Variants in ITGBL1 observed in about 807,000 individuals in gnomAD.
The protein encoded by ITGBL1 is integrin subunit beta like 1, also known as integrin beta-like protein 1.
ITGBL1 carries 51 observed loss-of-function variants against 68.5 expected under a neutral mutation model. That is an observed-to-expected ratio of 0.74 (90% CI 0.59 to 0.94). The LOEUF (loss-of-function observed/expected upper bound fraction) is 0.94, where lower values mean the gene tolerates loss of function less well. ITGBL1 is among the 40% of genes least tolerant of loss of function. ITGBL1 has a pLI of 0.00. For missense variants in ITGBL1, 649 were observed against 647.4 expected, an observed-to-expected ratio of 1.00 and a Z score of -0.03; for synonymous variants, 209 against 227.3, an observed-to-expected ratio of 0.92 and a Z score of 0.72.
intron 6 of ITGBL1, among the ~76,000 whole-genome samples, chr13:101,590,179 T>C (rs535307124): frequency 3.3e-5 from 5 of 152,296 alleles, no homozygotes; most frequent in African/African-American, 1.2e-4. Flanking sequence ...TTGGATAGGA[T>C]TCCAACTTTA....
intron 2 of ITGBL1, among the ~76,000 whole-genome samples, chr13:101,497,203 T>G (rs2048869711): frequency 6.6e-6 from 1 of 152,244 alleles, no homozygotes; most frequent in Non-Finnish European, 1.5e-5. Flanking sequence ...ACAATCATAT[T>G]AATTATTATA....
chr13:101,681,434 G>A (rs2033638077), intron 7 of ITGBL1, among the ~76,000 whole-genome samples: 1 of 152,166 alleles, frequency 6.6e-6, no homozygotes, highest in Admixed American at 6.5e-5. Flanking sequence ...GTGCAAAAAT[G>A]TTACTGGTGG....
intron 7 of ITGBL1, among the ~76,000 whole-genome samples, chr13:101,638,623 C>G (rs2032255924): frequency 7.2e-5 from 11 of 152,022 alleles, no homozygotes; most frequent in Admixed American, 7.2e-4. Context: ...GAATGAGAAT[C>G]AAGCGAAAGG....
intron 2 of ITGBL1, among the ~76,000 whole-genome samples, chr13:101,514,819 T>C (rs1329635923): frequency 6.6e-6 from 1 of 152,084 alleles, no homozygotes; most frequent in Non-Finnish European, 1.5e-5. Flanking sequence ...CCAACTTAGA[T>C]GCCTTCCATT....
chr13:101,680,782 T>C (rs975590229), intron 7 of ITGBL1, among the ~76,000 whole-genome samples: 1 of 152,166 alleles, frequency 6.6e-6, no homozygotes, highest in African/African-American at 2.4e-5. Flanking sequence ...CCACAATAAA[T>C]GAGGTTTAAC....
At chr13:101,494,520 A>C (rs2048827505) in intron 2 of ITGBL1, among the ~76,000 whole-genome samples, 2 of 152,248 alleles carry the variant, frequency 1.3e-5, no homozygotes, top group Non-Finnish European at 1.5e-5. Flanking sequence ...TTTCTCACAT[A>C]CAGAGCTCTA....
At chr13:101,679,828 GC>G (rs1468790331) in intron 7 of ITGBL1, among the ~76,000 whole-genome samples, 4 of 152,098 alleles carry the variant, frequency 2.6e-5, no homozygotes, top group African/African-American at 9.7e-5. Flanking sequence ...GATGAGTGTG[GC>G]CTGGCGCTTC....
chr13:101,589,279 A>G (rs974231906), intron 6 of ITGBL1, among the ~76,000 whole-genome samples: 6 of 152,328 alleles, frequency 3.9e-5, no homozygotes, highest in Non-Finnish European at 8.8e-5. Flanking sequence ...TGCTTCTTCT[A>G]TGATATACAG....
At chr13:101,604,887 T>TATATATATGTATATATATATATACACAC in intron 7 of ITGBL1, among the ~76,000 whole-genome samples, 12 of 22,166 alleles carry the variant, frequency 5.4e-4, no homozygotes, top group African/African-American at 1.5e-3. Context: ...TATATATATA[T>TATATATATGTATATATATATATACACAC]ACACACACAC....
chr13:101,529,074 A>C (rs1442990335), intron 2 of ITGBL1, among the ~76,000 whole-genome samples: 1 of 152,094 alleles, frequency 6.6e-6, no homozygotes, highest in African/African-American at 2.4e-5. Context: ...TAATTTCAGA[A>C]ATGAAGACTA....
chr13:101,455,723 C>T (rs771964057), intron 2 of ITGBL1, among the ~76,000 whole-genome samples: 9 of 152,160 alleles, frequency 5.9e-5, no homozygotes, highest in East Asian at 1.9e-4. Context: ...TATTTAACTT[C>T]GCAGTCCTAC....
chr13:101,508,883 A>T (rs1218130844), intron 2 of ITGBL1, among the ~76,000 whole-genome samples: 7 of 152,232 alleles, frequency 4.6e-5, no homozygotes, highest in East Asian at 1.9e-4. Context: ...AAGGTTTTTT[A>T]AAAAATTCTC....
intron 6 of ITGBL1, among the ~76,000 whole-genome samples, chr13:101,589,657 C>T (rs1208691686): frequency 1.3e-5 from 2 of 152,204 alleles, no homozygotes; most frequent in African/African-American, 4.8e-5. Context: ...CAGCCAATCA[C>T]AGCAATGATA....
At chr13:101,536,357 G>A (rs2049576604) in intron 2 of ITGBL1, among the ~76,000 whole-genome samples, 1 of 151,964 alleles carries the variant, frequency 6.6e-6, no homozygotes, top group Non-Finnish European at 1.5e-5. Flanking sequence ...ATTTTCACCA[G>A]AGTGACTAAT....
chr13:101,464,476 T>C (rs886132934), intron 2 of ITGBL1, among the ~76,000 whole-genome samples: 2 of 152,072 alleles, frequency 1.3e-5, no homozygotes, highest in African/African-American at 4.8e-5. Flanking sequence ...TTTTACATTC[T>C]GGTTTATTAT....
intron 2 of ITGBL1, among the ~76,000 whole-genome samples, chr13:101,515,021 G>T (rs1160499801): frequency 6.6e-6 from 1 of 152,054 alleles, no homozygotes; most frequent in Non-Finnish European, 1.5e-5. Flanking sequence ...GTTCTCTCTA[G>T]AGTGAAAGTG....
Position 101,545,137 on chromosome 13 carries a change from C to T in ITGBL1, c.317-22562C>T, listed in dbSNP as rs1027827856. Among the ~76,000 whole-genome samples, 52 of 152,328 alleles carry T rather than the reference C, an allele frequency of 3.4e-4. 1 individual carries two copies. Among genetic ancestry groups the T allele is most frequent in the African/African-American group, 9.9e-4 (41 of 41,592 alleles). ...AAATGCAAAAATCGCCCATCTTCTG[C>T]GTCGCTCACACTGGGAGCTGTAGAC... On this transcript the variant is annotated intron_variant, in intron 2 of 10. Coordinates refer to ENST00000376180, the MANE Select transcript of ITGBL1 (RefSeq NM_004791.3).
At chr13:101,469,448 G>A (rs1479072793) in intron 2 of ITGBL1, among the ~76,000 whole-genome samples, 4 of 152,184 alleles carry the variant, frequency 2.6e-5, no homozygotes, top group African/African-American at 9.7e-5. Context: ...TAGGGAGGCC[G>A]AGGCAGGTGG....
At chr13:101,541,964 TG>T (rs200524293) in intron 2 of ITGBL1, among the ~76,000 whole-genome samples, 2,036 of 152,294 alleles carry the variant, frequency 0.013, 9 homozygotes, top group Non-Finnish European at 0.02. Context: ...TTATTAGTCT[TG>T]TTAGCAGTCT....
Sources: allele counts gnomAD v4.1 joint callset (sites outside exome capture counted in the v4.1 genomes callset), GRCh38; gene constraint gnomAD v4.1.1; transcripts MANE v1.5; gene names NCBI Gene and HGNC (gene_info 2026-07-23, HGNC 2026-07-21).